PLEKHA7: variants seen among roughly 807,000 people sequenced by gnomAD.
PLEKHA7 encodes the protein pleckstrin homology domain-containing family A member 7.
In PLEKHA7, 104 loss-of-function variants were observed where a neutral mutation model predicts 170.0. The ratio of observed to expected loss-of-function variants is 0.61; its 90% CI spans 0.52 to 0.72. The LOEUF (loss-of-function observed/expected upper bound fraction) is 0.72, where lower values mean the gene tolerates loss of function less well. PLEKHA7 is among the 30% of genes least tolerant of loss of function. PLEKHA7 has a pLI of 0.00. For synonymous variants in PLEKHA7, 648 were observed against 660.8 expected, an observed-to-expected ratio of 0.98 and a Z score of 0.30; for missense variants, 1,615 against 1,671.7, an observed-to-expected ratio of 0.97 and a Z score of 0.59.
rs1327194118 is a variant in PLEKHA7 at position 16,782,801 on chromosome 11, G to A, written c.3746C>T (p.Ser1249Phe). 2.0e-6 allele frequency: 3 copies of A among 1,536,200 alleles called. No individual in the cohort carries two copies. The highest frequency in any genetic ancestry group is 2.6e-6 in the Non-Finnish European group (3 of 1,146,914). ...GGAGGCCTCGGAGGCCAGGGCGTAG[G>A]AGATGTTGATGATGCGCTCCTGCTC... ...LQEQERIINI[S>F]YALASEASQR... Residue 1249 changes from serine (S) to phenylalanine (F), a missense_variant, in exon 26 of 27, where the codon TCC (serine) becomes TTC (phenylalanine). Transcript: ENST00000531066.
intron 5 of PLEKHA7, 29 bp downstream of exon 5, chr11:16,855,774 A>G: frequency 6.7e-7 from 1 of 1,501,162 alleles, no homozygotes. Flanking sequence ...AAAAGAAGGG[A>G]AGGAAGGAAC....
chr11:16,996,157 T>C (rs1295954184), intron 3 of PLEKHA7, among the ~76,000 whole-genome samples: 1 of 152,248 alleles, frequency 6.6e-6, no homozygotes, highest in Non-Finnish European at 1.5e-5. Context: ...TATTCTCATT[T>C]AATCTCTGCA....
intron 3 of PLEKHA7, among the ~76,000 whole-genome samples, chr11:16,979,316 C>T (rs1020618857): frequency 1.3e-5 from 2 of 152,232 alleles, no homozygotes; most frequent in Non-Finnish European, 2.9e-5. Flanking sequence ...GCATGAGCCA[C>T]CGCATCCAGC....
At chr11:16,814,739 A>G (rs1232984683) in intron 12 of PLEKHA7, among the ~76,000 whole-genome samples, 1 of 152,212 alleles carries the variant, frequency 6.6e-6, no homozygotes, top group Non-Finnish European at 1.5e-5. Flanking sequence ...TGTGAGGTTC[A>G]GCAAGATATG....
intron 3 of PLEKHA7, among the ~76,000 whole-genome samples, chr11:16,994,022 GT>G (rs761912940): frequency 2.8e-4 from 42 of 152,236 alleles, no homozygotes; most frequent in Non-Finnish European, 4.0e-4. Flanking sequence ...TAAAGTAGAT[GT>G]TTCCTCAAAG....
chr11:16,859,140 C>A (rs1853724807), intron 4 of PLEKHA7, among the ~76,000 whole-genome samples: 1 of 152,214 alleles, frequency 6.6e-6, no homozygotes, highest in Admixed American at 6.5e-5. Context: ...CAAGGCCCCC[C>A]ATGAGCAGGG....
intron 3 of PLEKHA7, among the ~76,000 whole-genome samples, chr11:16,943,137 G>A (rs1040938032): frequency 6.6e-5 from 10 of 152,068 alleles, no homozygotes; most frequent in African/African-American, 7.2e-5. Context: ...ACGCAATTTC[G>A]AAACTTCTAG....
At position 16,890,885 on chromosome 11, in the gene PLEKHA7, A is replaced by G. The variant is rs368821253; in HGVS notation, c.222-19703T>C. Among the ~76,000 whole-genome samples the G allele has an allele frequency of 4.3e-4, 65 of 152,196 alleles. No homozygotes were observed. The East Asian group carries it at 0.012, about 28-fold the overall frequency. On this transcript the variant is annotated intron_variant, in intron 3 of 26. Transcript: ENST00000531066. ...TATGTATTGCTTAAAAATATGTAAA[A>G]ATATACATTTTTTTTCTTTTTTCAA...
At chr11:16,916,425 C>T (rs1028748521) in intron 3 of PLEKHA7, among the ~76,000 whole-genome samples, 16 of 152,194 alleles carry the variant, frequency 1.1e-4, no homozygotes, top group African/African-American at 3.6e-4. Flanking sequence ...GGATTCGAAT[C>T]TCAGCCCCAC....
intron 3 of PLEKHA7, among the ~76,000 whole-genome samples, chr11:16,871,631 T>C (rs1398331104): frequency 6.6e-6 from 1 of 152,194 alleles, no homozygotes; most frequent in Non-Finnish European, 1.5e-5. Context: ...CAAAAATCTA[T>C]CTTCTGAAAA....
intron 3 of PLEKHA7, among the ~76,000 whole-genome samples, chr11:16,943,418 T>C (rs932045419): frequency 7.9e-5 from 12 of 152,136 alleles, no homozygotes; most frequent in African/African-American, 2.9e-4. Flanking sequence ...AGTCCCAATT[T>C]AAACACCTGC....
intron 17 of PLEKHA7, 85 bp from the exon 18 acceptor site, chr11:16,795,103 C>T (rs967416678): frequency 1.1e-5 from 11 of 999,868 alleles, no homozygotes; most frequent in Admixed American, 1.8e-5. Flanking sequence ...CAGACAGAGC[C>T]CCCCGCCCTG....
rs141114512 is a variant in PLEKHA7 at position 16,817,124 on chromosome 11, C to G, written c.1542G>C (p.Ala514=). Residue 514 remains alanine, a synonymous_variant, in exon 11 of 27, where the codon GCG becomes GCC. Transcript: ENST00000531066. The surrounding 1 kb of genome is among the most constrained non-coding windows in gnomAD (Gnocchi z 4.4). ...HLKMSSEERR[A]HRDGTVWQLY... Reference sequence around the variant, plus strand: ...GCTGCCACACGGTGCCATCCCGGTGCGCCCGGCGCTCTTCACTCGACATCT... The same window carrying G: ...GCTGCCACACGGTGCCATCCCGGTGGGCCCGGCGCTCTTCACTCGACATCT... 6.2e-7 allele frequency: 1 copy of G among 1,614,038 alleles called. No individual in the cohort carries two copies. Among genetic ancestry groups the G allele is most frequent in the Admixed American group, 1.7e-5 (1 of 60,008 alleles).
chr11:17,013,932 G>A (rs1409827131), intron 3 of PLEKHA7, 57 bp downstream of exon 3: 3 of 1,429,156 alleles, frequency 2.1e-6, no homozygotes, highest in African/African-American at 3.9e-5. Context: ...CGGCGGGAAC[G>A]GGGAGGGACC....
chr11:16,913,056 G>A (rs1858365656), intron 3 of PLEKHA7, among the ~76,000 whole-genome samples: 3 of 152,214 alleles, frequency 2.0e-5, no homozygotes, highest in Admixed American at 1.3e-4. Context: ...AGAGGGCACA[G>A]CTGCTTTATG....
intron 3 of PLEKHA7, among the ~76,000 whole-genome samples, chr11:16,907,952 C>CTG (rs1396688087): frequency 2.7e-5 from 4 of 148,998 alleles, no homozygotes; most frequent in African/African-American, 9.9e-5. Context: ...TCCTGTTGAT[C>CTG]TGTGACCTTA....
At chr11:17,006,578 G>A (rs1305108764) in intron 3 of PLEKHA7, among the ~76,000 whole-genome samples, 1 of 146,484 alleles carries the variant, frequency 6.8e-6, no homozygotes, top group Admixed American at 7.0e-5. Flanking sequence ...AGTGAGCCGA[G>A]ATGCCGCCAC....
intron 9 of PLEKHA7, among the ~76,000 whole-genome samples, chr11:16,833,774 G>A (rs1002331541): frequency 3.9e-5 from 6 of 152,186 alleles, no homozygotes; most frequent in African/African-American, 7.2e-5. Context: ...ATCTGGCAGC[G>A]GCAGCCATCA....
At chr11:16,809,984 G>T (rs943218215) in intron 13 of PLEKHA7, among the ~76,000 whole-genome samples, 1 of 150,424 alleles carries the variant, frequency 6.6e-6, no homozygotes, top group African/African-American at 2.5e-5. Context: ...TCACTGCATG[G>T]AATACTGAGT....
Sources: allele counts gnomAD v4.1 joint callset (sites outside exome capture counted in the v4.1 genomes callset), GRCh38; gene constraint gnomAD v4.1.1; non-coding constraint Gnocchi (gnomAD v3.1); transcripts MANE v1.5; gene names NCBI Gene and HGNC (gene_info 2026-07-23, HGNC 2026-07-21).